SETD2: variants seen among roughly 807,000 people sequenced by gnomAD.
The protein encoded by SETD2 is SET domain containing 2, histone lysine methyltransferase.
Under a neutral mutation model 242.1 loss-of-function variants are expected in SETD2, and 31 were observed. That is an observed-to-expected ratio of 0.13 (90% CI 0.10 to 0.17). SETD2 has a LOEUF of 0.17. Among genes scored for constraint, SETD2 ranks in the 10% least tolerant of loss-of-function variants. The probability of loss-of-function intolerance (pLI) is 1.00; values close to 1 mark genes in which losing one functional copy is unlikely to be tolerated. For synonymous variants in SETD2, 1,006 were observed against 1,066.5 expected (o/e 0.94, Z 1.11); for missense variants, 2,481 against 3,046.3 (o/e 0.81, Z 4.37).
chr3:47,160,130 T>C (rs1016501506), intron 1 of SETD2, among the ~76,000 whole-genome samples: 7 of 152,134 alleles, frequency 4.6e-5, no homozygotes, highest in Non-Finnish European at 7.4e-5. Context: ...ACCCCAGTTA[T>C]TAACATGGCT....
At chr3:47,125,209 C>T (rs943415326) in intron 2 of SETD2, among the ~76,000 whole-genome samples, 2 of 152,042 alleles carry the variant, frequency 1.3e-5, no homozygotes, top group African/African-American at 4.8e-5. Context: ...ACCCCAGCTA[C>T]TTGGGAGGCT....
At chr3:47,040,843 G>T (rs1419465642) in intron 17 of SETD2, among the ~76,000 whole-genome samples, 1 of 152,048 alleles carries the variant, frequency 6.6e-6, no homozygotes, top group Non-Finnish European at 1.5e-5. Flanking sequence ...AAAGCATTAG[G>T]ATTATAGGCA....
chr3:47,121,940 T>C lies in SETD2; in HGVS notation c.2696A>G (p.Lys899Arg), dbSNP rs2106664765. 6.2e-7 allele frequency: 1 copy of C among 1,614,006 alleles called. No individual in the cohort carries two copies. Among genetic ancestry groups the C allele is most frequent in the Non-Finnish European group, 8.5e-7 (1 of 1,179,996 alleles). ...GIKVDSLTLL[K>R]CGENTSPVLD... ...AACTGGAGATGTGTTCTCTCCGCAT[T>C]TCAAGAGAGTTAGACTGTCCACCTT... The change falls in exon 3 of 21, where the codon AAA (lysine) becomes AGA (arginine). Residue 899 changes from lysine (K) to arginine (R), a missense_variant. Lys to Arg is a conservative substitution (Grantham distance 26, BLOSUM62 2). This residue lies in a region of SETD2 where 1,300 missense variants were observed against 1,259.2 expected (regional missense o/e 1.03). Transcript: ENST00000409792.
chr3:47,045,769 T>A (rs1452397985), intron 16 of SETD2, among the ~76,000 whole-genome samples: 23 of 143,274 alleles, frequency 1.6e-4, no homozygotes, highest in African/African-American at 5.8e-4. Context: ...ATAAAAAGGA[T>A]CCTAGGAGCA....
intron 15 of SETD2, among the ~76,000 whole-genome samples, chr3:47,053,625 G>A (rs1380198962): frequency 3.9e-5 from 6 of 152,156 alleles, no homozygotes; most frequent in Non-Finnish European, 8.8e-5. Context: ...ATACACAGAC[G>A]TAAATGTATA....
In SETD2 at chr3:47,124,000, C is replaced by T. The variant is rs2043219442; in HGVS notation, c.636G>A (p.Val212=). 1.9e-6 allele frequency: 3 copies of T among 1,552,170 alleles called. No individual in the cohort carries two copies. In the Admixed American group the frequency reaches 5.9e-5, roughly 30 times the overall value. ...LSSPAPVTEP[V]ALPHTPITVL... ...CTGTTATTGGTGTATGTGGCAAGGC[C>T]ACTGGCTCTGTTACTGGTGCTGGTG... is the stretch of plus-strand genomic sequence containing the variant. The change falls in exon 3 of 21, where the codon GTG becomes GTA. Residue 212 remains valine, a synonymous_variant. Coordinates refer to ENST00000409792, the MANE Select transcript of SETD2 (RefSeq NM_014159.7).
chr3:47,062,070 C>T, intron 14 of SETD2, 93 bp downstream of exon 14: 7 of 1,148,816 alleles, frequency 6.1e-6, no homozygotes, highest in Non-Finnish European at 8.7e-6. Context: ...TCCAAAAGCC[C>T]TTGATGTTCA....
At chr3:47,131,612 A>C (rs775422584) in intron 1 of SETD2, among the ~76,000 whole-genome samples, 12 of 152,148 alleles carry the variant, frequency 7.9e-5, no homozygotes, top group Non-Finnish European at 1.6e-4. Flanking sequence ...AAGTGCTGGG[A>C]TTACAGGCGT....
intron 5 of SETD2, among the ~76,000 whole-genome samples, chr3:47,110,655 T>C (rs2042612379): frequency 6.6e-6 from 1 of 152,170 alleles, no homozygotes; most frequent in African/African-American, 2.4e-5. Context: ...ATGGTAATAC[T>C]CTACCAGTAA....
chr3:47,098,922 C>T (rs2042104838), intron 8 of SETD2, among the ~76,000 whole-genome samples: 1 of 152,192 alleles, frequency 6.6e-6, no homozygotes, highest in East Asian at 1.9e-4. Context: ...CCAAACAGCA[C>T]TTGATTTCCA....
At position 47,106,493 on chromosome 3, in the gene SETD2, TAAAA is replaced by T. The variant is rs766455577; in HGVS notation, c.4716-377_4716-374del. On this transcript the variant is annotated intron_variant, in intron 5 of 20. Transcript: ENST00000409792. The stretch of plus-strand genomic sequence containing the variant: ...CTGAAAAGTTAGAGGATTTTTGCTC[TAAAA>T]AAAAAAAAAAAAAAAAAAAAAAAAA... 1.6e-3 allele frequency among the ~76,000 whole-genome samples: 90 copies of T among 57,262 alleles called. 2 individuals are homozygous for T. Among genetic ancestry groups the T allele is most frequent in the African/African-American group, 5.6e-3 (84 of 14,920 alleles). 37.6% of individuals were successfully genotyped at this position (57,262 alleles called of 152,430 possible).
chr3:47,110,551 T>C (rs1468412144), intron 5 of SETD2, among the ~76,000 whole-genome samples: 2 of 152,190 alleles, frequency 1.3e-5, no homozygotes, highest in African/African-American at 4.8e-5. Flanking sequence ...CCTGCTTTTT[T>C]GGTGGGGTCT....
At chr3:47,146,188 C>T (rs1391653579) in intron 1 of SETD2, among the ~76,000 whole-genome samples, 1 of 152,034 alleles carries the variant, frequency 6.6e-6, no homozygotes. Flanking sequence ...GGAGCAAAAG[C>T]TCTTATATTC....
At chr3:47,052,892 C>T (rs982280575) in intron 15 of SETD2, among the ~76,000 whole-genome samples, 1 of 151,544 alleles carries the variant, frequency 6.6e-6, no homozygotes, top group African/African-American at 2.4e-5. Context: ...TAAACTGTGA[C>T]TTTTTTTTAT....
Position 47,120,349 on chromosome 3 carries a change from C to T in SETD2, c.4287G>A (p.Val1429=), listed in dbSNP as rs2043022947. 1.2e-6 allele frequency: 2 copies of T among 1,613,436 alleles called. No individual in the cohort carries two copies. The highest frequency in any genetic ancestry group is 1.7e-6 in the Non-Finnish European group (2 of 1,179,822). Residue 1429 remains valine, a synonymous_variant, in exon 3 of 21, where the codon GTG becomes GTA. Transcript: ENST00000409792. The part of the protein sequence containing the change: ...GELQDRKKVR[V]EVEQGETSVP... ...CTGATGTCTCTCCCTGCTCTACCTC[C>T]ACTCTAACTTTCTTTCTGTCCTGAA... is the stretch of plus-strand genomic sequence containing the variant.
chr3:47,063,156 A>T (rs1380194979), intron 13 of SETD2, among the ~76,000 whole-genome samples: 1 of 152,140 alleles, frequency 6.6e-6, no homozygotes, highest in African/African-American at 2.4e-5. Flanking sequence ...TATATTTTCT[A>T]TGTAGATTTG....
intron 18 of SETD2, among the ~76,000 whole-genome samples, chr3:47,022,573 G>T (rs1016319263): frequency 4.6e-5 from 7 of 152,182 alleles, no homozygotes; most frequent in African/African-American, 1.2e-4. Flanking sequence ...ATAAAAAAGC[G>T]AGTGCTTCCA....
chr3:47,089,773 G>A (rs1188505989), intron 9 of SETD2, among the ~76,000 whole-genome samples: 1 of 152,100 alleles, frequency 6.6e-6, no homozygotes, highest in Non-Finnish European at 1.5e-5. Context: ...CTACATAAGG[G>A]AGTAATTAGA....
intron 1 of SETD2, among the ~76,000 whole-genome samples, chr3:47,129,623 C>G (rs1559755728): frequency 6.6e-6 from 1 of 152,192 alleles, no homozygotes; most frequent in African/African-American, 2.4e-5. Flanking sequence ...CAGTGGCTCA[C>G]GCCTGTAATC....
Sources: gnomAD v4.1 joint callset for allele counts (sites outside exome capture counted in the v4.1 genomes callset) on GRCh38, gnomAD v4.1.1 for gene constraint, gnomAD v4.1.1 regional missense constraint, MANE v1.5 for transcripts, NCBI Gene and HGNC (gene_info 2026-07-23, HGNC 2026-07-21) for gene names.